Variants in FAM184A observed in about 807,000 individuals in gnomAD.
The protein encoded by FAM184A is family with sequence similarity 184 member A, also known as protein FAM184A.
FAM184A carries 99 observed loss-of-function variants against 143.8 expected under a neutral mutation model. The observed-to-expected ratio is 0.69, with a 90% CI of 0.58 to 0.81. FAM184A has a LOEUF of 0.81. Ranked by LOEUF, FAM184A falls within the 40% of genes least tolerant of loss-of-function variation. FAM184A has a pLI of 0.00. For synonymous variants in FAM184A, 427 were observed against 446.4 expected (o/e 0.96, Z 0.55); for missense variants, 1,217 against 1,310.5 (o/e 0.93, Z 1.10).
At chr6:118,972,865 C>T (rs2114561631) in intron 14 of FAM184A, among the ~76,000 whole-genome samples, 1 of 152,144 alleles carries the variant, frequency 6.6e-6, no homozygotes, top group East Asian at 1.9e-4. Flanking sequence ...AAAGGACAGC[C>T]AAGGAATTGA....
At chr6:119,036,806 T>C (rs1308326571) in intron 1 of FAM184A, among the ~76,000 whole-genome samples, 4 of 152,192 alleles carry the variant, frequency 2.6e-5, no homozygotes, top group African/African-American at 9.7e-5. Flanking sequence ...TAAAATATAA[T>C]GGCAGACAAT....
chr6:119,018,058 T>G (rs370373665), intron 4 of FAM184A, among the ~76,000 whole-genome samples: 2 of 152,312 alleles, frequency 1.3e-5, no homozygotes, highest in East Asian at 3.9e-4. Flanking sequence ...ATATCCGTCT[T>G]CTCTTCATAA....
At chr6:119,010,502 T>C (rs183722456) in intron 6 of FAM184A, among the ~76,000 whole-genome samples, 1 of 152,302 alleles carries the variant, frequency 6.6e-6, no homozygotes, top group African/African-American at 2.4e-5. Context: ...TGCTTATTTT[T>C]AGCTTGTAAA....
intron 1 of FAM184A, among the ~76,000 whole-genome samples, chr6:119,124,294 T>G (rs1452913994): frequency 3.9e-5 from 6 of 152,208 alleles, no homozygotes; most frequent in Admixed American, 2.0e-4. Context: ...ATATGTCAAC[T>G]ATGTAAATAG....
chr6:118,997,362 T>A (rs1366659666), intron 9 of FAM184A, among the ~76,000 whole-genome samples: 1 of 150,866 alleles, frequency 6.6e-6, no homozygotes, highest in East Asian at 2.0e-4. Context: ...ACAGAATACA[T>A]TTCTTGCTAA....
At chr6:119,143,962 A>C (rs762168917) in intron 1 of FAM184A, among the ~76,000 whole-genome samples, 3 of 152,108 alleles carry the variant, frequency 2.0e-5, no homozygotes, top group Non-Finnish European at 4.4e-5. Flanking sequence ...AGAGATGTGC[A>C]TGGGGCTTTT....
Position 119,061,915 on chromosome 6 carries a change from AGAAAAAAATAG to A in FAM184A, c.159+16215_159+16225del, listed in dbSNP as rs1210576545. 2.0e-5 allele frequency among the ~76,000 whole-genome samples: 3 copies of A among 152,300 alleles called. No homozygotes were observed. The East Asian group carries it at 5.8e-4, about 29-fold the overall frequency. ...ACAATTATTTGTCAATTGAAACAAA[AGAAAAAAATAG>A]GGGCAAGGCATAGTGGCTCACACCT... On this transcript the variant is annotated intron_variant, in intron 1 of 17. Coordinates refer to ENST00000338891, the MANE Select transcript of FAM184A (RefSeq NM_024581.6).
At chr6:119,047,748 C>CA (rs1365302155) in intron 1 of FAM184A, among the ~76,000 whole-genome samples, 3 of 151,628 alleles carry the variant, frequency 2.0e-5, no homozygotes, top group Non-Finnish European at 4.4e-5. Context: ...GCCTAAAAAC[C>CA]AAAAAAAGCC....
rs190630562 is a variant in FAM184A, at chr6:119,028,407, T to C, written c.160-3594A>G. Among the ~76,000 whole-genome samples the C allele has an allele frequency of 9.9e-5, 15 of 152,240 alleles. No homozygotes were observed. In the East Asian group the frequency reaches 2.9e-3, roughly 29 times the overall value. ...TGGGGCTGGCTGCCAGAGGAACCCATCATGTGACTATACAGTTGGAACTTC... is the reference window on the plus strand; with the variant it reads ...TGGGGCTGGCTGCCAGAGGAACCCACCATGTGACTATACAGTTGGAACTTC... On this transcript the variant is annotated intron_variant, in intron 1 of 17. Coordinates refer to ENST00000338891, the MANE Select transcript of FAM184A (RefSeq NM_024581.6).
At chr6:119,015,580 T>G (rs1372759936) in intron 5 of FAM184A, among the ~76,000 whole-genome samples, 1 of 152,228 alleles carries the variant, frequency 6.6e-6, no homozygotes, top group Non-Finnish European at 1.5e-5. Flanking sequence ...GCCTCGGGAC[T>G]GCAGCCCGCC....
chr6:119,092,746 C>T (rs1321383635), intron 1 of FAM184A, among the ~76,000 whole-genome samples: 1 of 152,082 alleles, frequency 6.6e-6, no homozygotes, highest in East Asian at 1.9e-4. Flanking sequence ...CATGCTTCCC[C>T]TTCAATTATT....
chr6:119,034,580 TAA>T (rs34909667), intron 1 of FAM184A, among the ~76,000 whole-genome samples: 4 of 148,192 alleles, frequency 2.7e-5, no homozygotes, highest in African/African-American at 9.8e-5. Flanking sequence ...TTTTTTTTTT[TAA>T]AAAAACCTTT....
upstream of FAM184A, among the ~76,000 whole-genome samples, chr6:119,081,103 A>G (rs1582598036): frequency 6.6e-6 from 1 of 152,198 alleles, no homozygotes; most frequent in African/African-American, 2.4e-5. Flanking sequence ...GTGCTAACCC[A>G]TTCATGAGAA....
intron 11 of FAM184A, among the ~76,000 whole-genome samples, chr6:118,976,487 A>AC (rs1470721186): frequency 6.6e-6 from 1 of 151,964 alleles, no homozygotes; most frequent in East Asian, 1.9e-4. Flanking sequence ...ACATGGTGAA[A>AC]CCCCGTCTCT....
intron 1 of FAM184A, among the ~76,000 whole-genome samples, chr6:119,136,916 G>A (rs1789687061): frequency 6.6e-6 from 1 of 152,166 alleles, no homozygotes; most frequent in African/African-American, 2.4e-5. Flanking sequence ...CCAAGATGCT[G>A]TTACTAAAAA....
chr6:118,987,955 T>C (rs1056741374), intron 9 of FAM184A, among the ~76,000 whole-genome samples: 1 of 152,190 alleles, frequency 6.6e-6, no homozygotes, highest in Non-Finnish European at 1.5e-5. Flanking sequence ...ACACAAAATA[T>C]ATCTTATTGA....
At chr6:119,019,868 G>A in intron 4 of FAM184A, 110 bp downstream of exon 4, 1 of 960,648 alleles carries the variant, frequency 1.0e-6, no homozygotes, top group Non-Finnish European at 1.5e-6. Flanking sequence ...TACTAAAGTA[G>A]GAAATGTATT....
rs889028597 is a variant in FAM184A at position 119,078,090 on chromosome 6, C to A, written c.159+51G>T. The A allele has an allele frequency of 2.0e-6, 3 of 1,536,888 alleles. No individual in the cohort carries two copies. The African/African-American group carries it at 4.1e-5, about 21-fold the overall frequency. ...CTGCCTCCCGGGGAGACAGGTGAGT[C>A]CGGCGCGGCCCGCACGGGGTCGCCA... On this transcript the variant is annotated intron_variant, in intron 1 of 17. Transcript: ENST00000338891. The surrounding 1 kb of genome is among the most constrained non-coding windows in gnomAD (Gnocchi z 5.5).
In FAM184A at chr6:119,021,891, A is replaced by G. The variant is rs545589529; in HGVS notation, c.1150+1054T>C. The stretch of plus-strand genomic sequence containing the variant: ...CTCAGGAAGCTGAAGTGGGAGGATC[A>G]CTTGAGCCCAGGAAGTCCAGGCTAC... On this transcript the variant is annotated intron_variant, in intron 3 of 17. Transcript: ENST00000338891. Among the ~76,000 whole-genome samples, 93 of 152,100 alleles carry G rather than the reference A, an allele frequency of 6.1e-4. 1 individual carries two copies. The highest frequency in any genetic ancestry group is 3.7e-3 in the South Asian group (18 of 4,810).
Sources: allele counts gnomAD v4.1 joint callset (sites outside exome capture counted in the v4.1 genomes callset), GRCh38; gene constraint gnomAD v4.1.1; non-coding constraint Gnocchi (gnomAD v3.1); transcripts MANE v1.5; gene names NCBI Gene and HGNC (gene_info 2026-07-23, HGNC 2026-07-21).